KCNN1: variants seen among roughly 807,000 people sequenced by gnomAD.
KCNN1 encodes potassium calcium-activated channel subfamily N member 1.
Under a neutral mutation model 44.7 loss-of-function variants are expected in KCNN1, and 20 were observed. The ratio of observed to expected loss-of-function variants is 0.45; its 90% CI spans 0.32 to 0.65. The LOEUF (loss-of-function observed/expected upper bound fraction) is 0.65, where lower values mean the gene tolerates loss of function less well. Among genes scored for constraint, KCNN1 ranks in the 30% least tolerant of loss-of-function variants. The pLI is 0.05. For synonymous variants in KCNN1, 324 were observed against 341.7 expected, an observed-to-expected ratio of 0.95 and a Z score of 0.57; for missense variants, 632 against 785.3, an observed-to-expected ratio of 0.80 and a Z score of 2.33.
At chr19:17,969,895 C>CCAGCCCCACCTA (rs1237357873) in intron 1 of KCNN1, among the ~76,000 whole-genome samples, 5 of 152,216 alleles carry the variant, frequency 3.3e-5, no homozygotes, top group African/African-American at 1.2e-4. Flanking sequence ...GTGCAAGCTC[C>CCAGCCCCACCTA]CAGCCCCACC....
intron 4 of KCNN1, 62 bp downstream of exon 4, chr19:17,982,189 C>T: frequency 7.6e-7 from 1 of 1,319,904 alleles, no homozygotes; most frequent in Non-Finnish European, 1.0e-6. Flanking sequence ...GACCTCCATG[C>T]CCATTCATGA....
At chr19:17,966,717 G>A (rs1037828423), upstream of KCNN1, among the ~76,000 whole-genome samples, 1 of 152,188 alleles carries the variant, frequency 6.6e-6, no homozygotes, top group Admixed American at 6.5e-5. Flanking sequence ...GCTAGACCCC[G>A]GAGGAGGTCG....
intron 1 of KCNN1, among the ~76,000 whole-genome samples, chr19:17,967,904 G>A (rs1487395150): frequency 9.2e-5 from 14 of 152,052 alleles, no homozygotes; most frequent in Admixed American, 9.2e-4. Flanking sequence ...CAGGAGAGCA[G>A]GCTAATTGCA....
At chr19:17,995,167 G>A (rs970851326) in intron 9 of KCNN1, among the ~76,000 whole-genome samples, 1 of 151,470 alleles carries the variant, frequency 6.6e-6, no homozygotes, top group Admixed American at 6.6e-5. Flanking sequence ...ATTTGGAAGG[G>A]AATCTTCTTT....
In KCNN1 at chr19:17,993,916, A is replaced by G. The variant is rs896110733; in HGVS notation, c.1377+357A>G. Among the ~76,000 whole-genome samples the G allele has an allele frequency of 1.3e-4, 20 of 152,110 alleles. No individual in the cohort carries two copies. The highest frequency in any genetic ancestry group is 1.0e-4 in the Non-Finnish European group (7 of 68,020). Reference sequence around the variant, plus strand: ...CAGAGTGACACCCTGTCTCAAAAAAATGATAATAATTTTAAAAATAATTTA... The same window carrying G: ...CAGAGTGACACCCTGTCTCAAAAAAGTGATAATAATTTTAAAAATAATTTA... On this transcript the variant is annotated intron_variant, in intron 9 of 9. Transcript: ENST00000684775. This position sits in a 1 kb window ranked among gnomAD's most constrained non-coding sequence, Gnocchi z 4.5.
upstream of KCNN1, chr19:17,967,095 C>T: frequency 1.0e-6 from 1 of 980,752 alleles, no homozygotes; most frequent in South Asian, 4.7e-5. Flanking sequence ...CCCCTTCTCT[C>T]CCGGCCCGGG....
chr19:17,962,719 T>TTC (rs1247310683), upstream of KCNN1, among the ~76,000 whole-genome samples: 2 of 151,962 alleles, frequency 1.3e-5, no homozygotes, highest in East Asian at 3.9e-4. Flanking sequence ...TTTTTTTTTT[T>TTC]CTTTTTGAGA....
At chr19:17,969,649 T>C (rs2145918352) in intron 1 of KCNN1, among the ~76,000 whole-genome samples, 1 of 152,316 alleles carries the variant, frequency 6.6e-6, no homozygotes, top group East Asian at 1.9e-4. Context: ...GTCGGGTGGC[T>C]GAGTCACATC....
intron 2 of KCNN1, among the ~76,000 whole-genome samples, chr19:17,955,709 G>A (rs546392830): frequency 6.6e-6 from 1 of 151,968 alleles, no homozygotes; most frequent in Admixed American, 6.6e-5. Context: ...TGGAGTTGGG[G>A]AAACTATTCA....
chr19:17,997,124 G>A (rs540674240), intron 9 of KCNN1, among the ~76,000 whole-genome samples: 14 of 152,198 alleles, frequency 9.2e-5, no homozygotes, highest in African/African-American at 1.9e-4. Flanking sequence ...AGGTGGTAGG[G>A]ATGCCCCACT....
In KCNN1 at chr19:17,981,695, C is replaced by G; in HGVS notation, c.499-14C>G. ...GTCTGACACCCATGGCTGGTTCCCT[C>G]CCGCCCTCCACAGCTGTTCATGGTG... On this transcript the variant is annotated splice_polypyrimidine_tract_variant and intron_variant, in intron 3 of 9. Coordinates refer to ENST00000684775, the MANE Select transcript of KCNN1 (RefSeq NM_001386974.1). 1.3e-6 allele frequency: 2 copies of G among 1,558,818 alleles called. No homozygotes were observed. Among genetic ancestry groups the G allele is most frequent in the Non-Finnish European group, 8.7e-7 (1 of 1,145,438 alleles).
chr19:17,968,684 G>A (rs1035713245), intron 1 of KCNN1, among the ~76,000 whole-genome samples: 4 of 152,104 alleles, frequency 2.6e-5, no homozygotes, highest in Non-Finnish European at 4.4e-5. Context: ...GCTCTCATGG[G>A]TCCCCCCAGG....
upstream of KCNN1, among the ~76,000 whole-genome samples, chr19:17,966,019 GCCTGCCTTCCTTCCTTCCTT>G (rs1186075145): frequency 0.017 from 2,252 of 131,894 alleles, 21 homozygotes; most frequent in African/African-American, 0.024. Flanking sequence ...CTGCCTGCCT[GCCTGCCTTCCTTCCTTCCTT>G]CCTTCCTTCC....
intron 3 of KCNN1, 63 bp downstream of exon 3, chr19:17,975,250 C>T (rs547038120): frequency 1.7e-6 from 2 of 1,211,340 alleles, no homozygotes; most frequent in African/African-American, 1.5e-5. Flanking sequence ...CCCACACCAG[C>T]CCACCTTAGA....
intron 3 of KCNN1, among the ~76,000 whole-genome samples, chr19:17,976,673 C>T (rs552860805): frequency 6.6e-6 from 1 of 151,998 alleles, no homozygotes; most frequent in South Asian, 2.1e-4. Context: ...CCGCCTCGGC[C>T]TCCCAAGGTG....
intron 2 of KCNN1, among the ~76,000 whole-genome samples, chr19:17,961,490 A>T (rs538229815): frequency 6.6e-6 from 1 of 152,136 alleles, no homozygotes; most frequent in Non-Finnish European, 1.5e-5. Flanking sequence ...AATGGGCGTG[A>T]TCGTGCCACT....
At chr19:17,976,776 C>T (rs1356966624) in intron 3 of KCNN1, among the ~76,000 whole-genome samples, 14 of 150,490 alleles carry the variant, frequency 9.3e-5, no homozygotes, top group South Asian at 4.2e-4. Context: ...AGTGCAGTGG[C>T]GCGATCTTGG....
In KCNN1 at chr19:17,994,763, C is replaced by T. The variant is rs185303686; in HGVS notation, c.1377+1204C>T. On this transcript the variant is annotated intron_variant, in intron 9 of 9. Transcript: ENST00000684775. The stretch of plus-strand genomic sequence containing the variant: ...TTCGCCATGTTGGCCAGCCTGGTCT[C>T]GAACTCCTGACCTTAAGTGATCCAC... Among the ~76,000 whole-genome samples, 26 of 152,284 alleles carry T rather than the reference C, an allele frequency of 1.7e-4. No individual in the cohort carries two copies. In the East Asian group the frequency reaches 2.7e-3, roughly 16 times the overall value.
At chr19:17,960,080 C>G (rs2031643035) in intron 2 of KCNN1, among the ~76,000 whole-genome samples, 2 of 149,322 alleles carry the variant, frequency 1.3e-5, no homozygotes, top group African/African-American at 2.5e-5. Flanking sequence ...GAGACTCCAT[C>G]TCAAAAAAAC....
Sources: allele counts gnomAD v4.1 joint callset (sites outside exome capture counted in the v4.1 genomes callset), GRCh38; gene constraint gnomAD v4.1.1; non-coding constraint Gnocchi (gnomAD v3.1); transcripts MANE v1.5; gene names NCBI Gene and HGNC (gene_info 2026-07-23, HGNC 2026-07-21).